TMEM132B: variants seen among roughly 807,000 people sequenced by gnomAD.
The protein encoded by TMEM132B is transmembrane protein 132B.
TMEM132B carries 18 observed loss-of-function variants against 90.8 expected under a neutral mutation model. The ratio of observed to expected loss-of-function variants is 0.20; its 90% CI spans 0.14 to 0.29. The LOEUF (loss-of-function observed/expected upper bound fraction) is 0.29. Among genes scored for constraint, TMEM132B ranks in the 10% least tolerant of loss-of-function variants. TMEM132B has a pLI of 1.00. For synonymous variants in TMEM132B, 504 were observed against 523.3 expected (o/e 0.96, Z 0.50); for missense variants, 1,096 against 1,326.8 (o/e 0.83, Z 2.70).
At chr12:125,380,823 C>T (rs993992594) in intron 2 of TMEM132B, among the ~76,000 whole-genome samples, 1 of 152,174 alleles carries the variant, frequency 6.6e-6, no homozygotes, top group African/African-American at 2.4e-5. Context: ...GTTCCATTGT[C>T]CTTTGTGTGA....
chr12:125,544,864 G>A (rs139660549), intron 4 of TMEM132B, among the ~76,000 whole-genome samples: 14 of 152,304 alleles, frequency 9.2e-5, no homozygotes, highest in Non-Finnish European at 1.5e-4. Context: ...TGCTGTGAAT[G>A]TGAAATAATA....
chr12:125,248,724 G>T (rs1366955613), intron 1 of TMEM132B, among the ~76,000 whole-genome samples: 2 of 152,318 alleles, frequency 1.3e-5, no homozygotes, highest in East Asian at 3.9e-4. Flanking sequence ...AGGAGACTGG[G>T]TCAGGGGAGT....
intron 3 of TMEM132B, among the ~76,000 whole-genome samples, chr12:125,484,498 G>A (rs915039243): frequency 6.6e-6 from 1 of 152,140 alleles, no homozygotes; most frequent in South Asian, 2.1e-4. Context: ...TGAGTCTTGA[G>A]TAGATTGCTG....
In TMEM132B at chr12:125,426,581, A is replaced by C. The variant is rs549548454; in HGVS notation, c.1106+10904A>C. ...ATGACCAGGAGGTTCTCACTGGCTG[A>C]GGGCTATGTCCCTGGCAACATGCAG... On this transcript the variant is annotated intron_variant, in intron 3 of 8. Transcript: ENST00000682704. 2.0e-5 allele frequency among the ~76,000 whole-genome samples: 3 copies of C among 152,322 alleles called. No individual in the cohort carries two copies. In the East Asian group the frequency reaches 5.8e-4, roughly 29 times the overall value.
chr12:125,232,225 A>G (rs1468020713), intron 1 of TMEM132B, among the ~76,000 whole-genome samples: 3 of 152,130 alleles, frequency 2.0e-5, no homozygotes, highest in African/African-American at 7.2e-5. Context: ...TGCTGATGTG[A>G]ACATCTTTGC....
intron 6 of TMEM132B, among the ~76,000 whole-genome samples, chr12:125,644,828 G>A (rs1886720175): frequency 1.3e-5 from 2 of 152,160 alleles, no homozygotes; most frequent in Non-Finnish European, 2.9e-5. Context: ...CATTGGACAT[G>A]TGATTTAACC....
intron 4 of TMEM132B, among the ~76,000 whole-genome samples, chr12:125,552,286 T>G (rs1399067226): frequency 2.0e-5 from 3 of 152,202 alleles, no homozygotes; most frequent in Non-Finnish European, 4.4e-5. Flanking sequence ...ACCAAGCTTG[T>G]GTTCTTCTGC....
chr12:125,436,076 C>A (rs1438999273), intron 3 of TMEM132B, among the ~76,000 whole-genome samples: 1 of 152,116 alleles, frequency 6.6e-6, no homozygotes, highest in Non-Finnish European at 1.5e-5. Context: ...GTGGGCGTTG[C>A]GGTCTTTGCC....
intron 1 of TMEM132B, among the ~76,000 whole-genome samples, chr12:125,327,918 A>G (rs1159268767): frequency 6.6e-6 from 1 of 152,216 alleles, no homozygotes; most frequent in Non-Finnish European, 1.5e-5. Flanking sequence ...TGGGTTGTGT[A>G]AAATTTTGAT....
chr12:125,198,019 C>T (rs909129734), intron 1 of TMEM132B, among the ~76,000 whole-genome samples: 1 of 152,158 alleles, frequency 6.6e-6, no homozygotes, highest in African/African-American at 2.4e-5. Flanking sequence ...TGTAGGGAGG[C>T]TGTGGAGGGA....
chr12:125,625,315 A>G (rs1162672844), intron 5 of TMEM132B, among the ~76,000 whole-genome samples: 1 of 151,632 alleles, frequency 6.6e-6, no homozygotes, highest in African/African-American at 2.4e-5. Context: ...TTATATTTTT[A>G]GTAGAGACGG....
chr12:125,452,221 A>G (rs530949573), intron 3 of TMEM132B, among the ~76,000 whole-genome samples: 8 of 152,236 alleles, frequency 5.3e-5, no homozygotes, highest in Admixed American at 5.2e-4. Flanking sequence ...GCTGTAAGTC[A>G]TATTTATATT....
intron 1 of TMEM132B, among the ~76,000 whole-genome samples, chr12:125,337,965 A>G (rs1877028744): frequency 6.6e-6 from 1 of 152,196 alleles, no homozygotes; most frequent in Non-Finnish European, 1.5e-5. Context: ...ATCTACCTTG[A>G]CTTCTTGAGT....
At chr12:125,284,184 T>C (rs149260643) in intron 1 of TMEM132B, among the ~76,000 whole-genome samples, 1 of 152,314 alleles carries the variant, frequency 6.6e-6, no homozygotes, top group Admixed American at 6.5e-5. Context: ...GATGTACATG[T>C]ACATAGCTCA....
intron 4 of TMEM132B, among the ~76,000 whole-genome samples, chr12:125,535,498 G>A (rs7954319): frequency 0.62 from 93,709 of 151,998 alleles, 29,769 homozygotes; most frequent in East Asian, 0.79. Context: ...TCTTGCCATC[G>A]GGGATTTCAG....
chr12:125,532,653 T>G (rs915144573), intron 4 of TMEM132B, among the ~76,000 whole-genome samples: 1 of 151,980 alleles, frequency 6.6e-6, no homozygotes, highest in African/African-American at 2.4e-5. Context: ...TAGCTGGGAT[T>G]ATAGGTGTGC....
At position 125,660,396 on chromosome 12, in the gene TMEM132B, C is replaced by CA. The variant is rs1887181661; in HGVS notation, c.*5687dup. On this transcript the variant is annotated 3_prime_UTR_variant, in exon 9 of 9. Transcript: ENST00000682704. ...GAAGTAAGATTTGTAAAAGAATGAA[C>CA]ACTTTAGGTTTTGTGTGTGAGTGCA... is the stretch of plus-strand genomic sequence containing the variant. The CA allele has an allele frequency of 6.6e-6, 1 of 152,126 alleles. No homozygotes were observed. Among genetic ancestry groups the CA allele is most frequent in the Non-Finnish European group, 1.5e-5 (1 of 68,024 alleles). The allele number at this position is 152,126 out of a possible 1,614,324, so 9.4% of individuals were successfully genotyped here. A position where few individuals can be genotyped will look rare whatever the true frequency, so the allele number is the denominator to read the frequency against.
chr12:125,553,354 G>T (rs533158633), intron 4 of TMEM132B, among the ~76,000 whole-genome samples: 10 of 152,334 alleles, frequency 6.6e-5, no homozygotes, highest in African/African-American at 2.4e-4. Flanking sequence ...AAAGAGCCCC[G>T]TCCTTGTGAT....
At chr12:125,474,109 G>T (rs866338276) in intron 3 of TMEM132B, among the ~76,000 whole-genome samples, 9 of 112,446 alleles carry the variant, frequency 8.0e-5, no homozygotes, top group Admixed American at 2.4e-4. Flanking sequence ...CCTTTCTTCC[G>T]TCTTTCTGTC....
Sources: allele counts gnomAD v4.1 joint callset (sites outside exome capture counted in the v4.1 genomes callset), GRCh38; gene constraint gnomAD v4.1.1; transcripts MANE v1.5; gene names NCBI Gene and HGNC (gene_info 2026-07-23, HGNC 2026-07-21).